The following KIF5C variants were observed in gnomAD, a reference collection of about 807,000 sequenced individuals.
KIF5C encodes kinesin family member 5C.
KIF5C carries 18 observed loss-of-function variants against 125.2 expected under a neutral mutation model. That is an observed-to-expected ratio of 0.14 (90% confidence interval 0.10 to 0.21). KIF5C has a LOEUF of 0.21. Ranked by LOEUF, KIF5C falls within the 10% of genes least tolerant of loss-of-function variation. The pLI is 1.00. For missense variants in KIF5C, 780 were observed against 1,183.8 expected (o/e 0.66, Z 5.01); for synonymous variants, 405 against 434.0 (o/e 0.93, Z 0.83).
chr2:149,009,428 A>C (rs1206315076), intron 23 of KIF5C, among the ~76,000 whole-genome samples: 1 of 152,200 alleles, frequency 6.6e-6, no homozygotes, highest in Non-Finnish European at 1.5e-5. Flanking sequence ...TGTGATTTTC[A>C]AAACTCCCTC....
chr2:148,967,263 G>C (rs1418809578), intron 11 of KIF5C, among the ~76,000 whole-genome samples: 1 of 152,166 alleles, frequency 6.6e-6, no homozygotes, highest in Non-Finnish European at 1.5e-5. Flanking sequence ...ACACTGCCTG[G>C]CTAAAGCAAA....
At position 148,994,556 on chromosome 2, in the gene KIF5C, G is replaced by C. The variant is rs781686437; in HGVS notation, c.2023+18G>C. 11 of 1,552,466 alleles carry C rather than the reference G, an allele frequency of 7.1e-6. No individual in the cohort carries two copies. In the South Asian group the frequency reaches 9.5e-5, roughly 13 times the overall value. ...AGCCCAGGGTAAATATTTGACTAAC[G>C]TGCAGGTGTCAAACACCTGGCCTGA... On this transcript the variant is annotated intron_variant, in intron 17 of 25. Coordinates refer to ENST00000435030, the MANE Select transcript of KIF5C (RefSeq NM_004522.3).
intron 1 of KIF5C, chr2:148,878,042 T>C (rs1242435596): frequency 6.6e-6 from 1 of 152,224 alleles, no homozygotes; most frequent in Non-Finnish European, 1.5e-5. Flanking sequence ...CATCCTACTA[T>C]AATCCTTTAA....
chr2:148,951,768 G>A (rs1214982753), intron 10 of KIF5C, among the ~76,000 whole-genome samples: 2 of 152,168 alleles, frequency 1.3e-5, no homozygotes, highest in Non-Finnish European at 2.9e-5. Flanking sequence ...GATGCACAGA[G>A]CACTTCCCTG....
intron 13 of KIF5C, among the ~76,000 whole-genome samples, chr2:148,979,762 C>T (rs1426461261): frequency 3.3e-5 from 5 of 152,124 alleles, no homozygotes; most frequent in Non-Finnish European, 5.9e-5. Context: ...GAACGGGGCC[C>T]GAGTACTGCG....
At chr2:148,923,002 G>A (rs1319024474) in intron 2 of KIF5C, among the ~76,000 whole-genome samples, 1 of 152,230 alleles carries the variant, frequency 6.6e-6, no homozygotes. Flanking sequence ...TGCATTGGCA[G>A]GCTTGCCATC....
intron 25 of KIF5C, among the ~76,000 whole-genome samples, chr2:149,014,173 T>C (rs1235179122): frequency 1.3e-5 from 2 of 152,154 alleles, no homozygotes; most frequent in African/African-American, 2.4e-5. Context: ...TACAGGCATG[T>C]GCCACCATGC....
intron 1 of KIF5C, among the ~76,000 whole-genome samples, chr2:148,902,815 C>T (rs1216202160): frequency 6.6e-6 from 1 of 152,202 alleles, no homozygotes; most frequent in Non-Finnish European, 1.5e-5. Context: ...CTGCAACACA[C>T]ACAAGATGTA....
At chr2:148,892,928 C>G (rs1186270252) in intron 1 of KIF5C, among the ~76,000 whole-genome samples, 1 of 152,114 alleles carries the variant, frequency 6.6e-6, no homozygotes, top group Non-Finnish European at 1.5e-5. Flanking sequence ...CAAATAATGA[C>G]AGTTTTGTTT....
chr2:148,888,991 C>T (rs1019015890), intron 1 of KIF5C, among the ~76,000 whole-genome samples: 1 of 152,134 alleles, frequency 6.6e-6, no homozygotes, highest in Non-Finnish European at 1.5e-5. Flanking sequence ...TCCACTTTCC[C>T]TTACTCTAGG....
intron 11 of KIF5C, among the ~76,000 whole-genome samples, chr2:148,966,613 C>T (rs1001691960): frequency 2.6e-5 from 4 of 152,144 alleles, no homozygotes; most frequent in African/African-American, 7.2e-5. Context: ...CCCTCCCCCA[C>T]ACCTCCACCT....
At chr2:148,971,053 A>G (rs970676771) in intron 11 of KIF5C, among the ~76,000 whole-genome samples, 1 of 152,196 alleles carries the variant, frequency 6.6e-6, no homozygotes. Context: ...CCTGTTCCCA[A>G]ATTTCAGAAG....
At chr2:148,974,093 CAAAT>C (rs1206792433) in intron 12 of KIF5C, among the ~76,000 whole-genome samples, 1 of 152,116 alleles carries the variant, frequency 6.6e-6, no homozygotes, top group African/African-American at 2.4e-5. Context: ...TTTTGGGACT[CAAAT>C]AGTCATGTAA....
chr2:149,017,856 A>G (rs1682412267), intron 25 of KIF5C, among the ~76,000 whole-genome samples: 1 of 152,244 alleles, frequency 6.6e-6, no homozygotes, highest in Admixed American at 6.5e-5. Flanking sequence ...TTAAATCGAA[A>G]TAAAACCACA....
At chr2:148,977,081 A>G (rs1451347146) in intron 12 of KIF5C, among the ~76,000 whole-genome samples, 2 of 152,230 alleles carry the variant, frequency 1.3e-5, no homozygotes, top group Non-Finnish European at 2.9e-5. Flanking sequence ...AAAAAAAATC[A>G]CAGTAGAGCT....
intron 22 of KIF5C, 146 bp from the exon 23 acceptor site, chr2:149,007,817 T>C (rs1257330540): frequency 5.0e-5 from 47 of 944,890 alleles, no homozygotes; most frequent in Middle Eastern, 3.7e-4. Flanking sequence ...GGGGGATTTC[T>C]TGAGTCTAAA....
intron 10 of KIF5C, among the ~76,000 whole-genome samples, chr2:148,952,865 A>G (rs1030360379): frequency 2.0e-4 from 30 of 152,214 alleles, no homozygotes; most frequent in African/African-American, 6.8e-4. Flanking sequence ...CCTTCGTCTT[A>G]AATAATCTCA....
intron 7 of KIF5C, among the ~76,000 whole-genome samples, chr2:148,945,852 A>G (rs1210918973): frequency 1.3e-5 from 2 of 152,168 alleles, no homozygotes; most frequent in Non-Finnish European, 1.5e-5. Context: ...TTCTGCTTCT[A>G]TAAAATATGT....
chr2:148,956,820 T>C (rs1020097185), intron 10 of KIF5C, among the ~76,000 whole-genome samples: 3 of 152,246 alleles, frequency 2.0e-5, no homozygotes, highest in African/African-American at 4.8e-5. Context: ...AGGGCTCTGA[T>C]TGAAAACCCT....
Sources: gnomAD v4.1 joint callset for allele counts (sites outside exome capture counted in the v4.1 genomes callset) on GRCh38, gnomAD v4.1.1 for gene constraint, MANE v1.5 for transcripts, NCBI Gene and HGNC (gene_info 2026-07-23, HGNC 2026-07-21) for gene names.